The following HTT variants were observed in gnomAD, a reference collection of about 807,000 sequenced individuals.
HTT encodes the protein huntingtin.
A neutral mutation model predicts 362.3 loss-of-function variants in HTT; 104 were observed. That is an observed-to-expected ratio of 0.29 (90% CI 0.24 to 0.34). The LOEUF (loss-of-function observed/expected upper bound fraction) is 0.34, where lower values mean the gene tolerates loss of function less well. Ranked by LOEUF, HTT falls within the 10% of genes least tolerant of loss-of-function variation. HTT has a pLI of 1.00. For missense variants in HTT, 3,301 were observed against 3,928.6 expected (o/e 0.84, Z 4.27); for synonymous variants, 1,577 against 1,548.7 (o/e 1.02, Z -0.43).
chr4:3,155,376 C>A (rs955423174), intron 27 of HTT, among the ~76,000 whole-genome samples: 8 of 150,722 alleles, frequency 5.3e-5, no homozygotes, highest in Admixed American at 3.3e-4. Flanking sequence ...TGTGCACCAC[C>A]ACACCTGGCT....
In HTT at chr4:3,127,733, G is replaced by A. The variant is rs551278406; in HGVS notation, c.1743+129G>A. The A allele has an allele frequency of 1.2e-5, 8 of 672,886 alleles. No individual in the cohort carries two copies. The Admixed American group carries it at 1.5e-4, about 12-fold the overall frequency. The allele number at this position is 672,886 out of a possible 1,614,324, so 41.7% of individuals were successfully genotyped here. A position where few individuals can be genotyped will look rare whatever the true frequency, so the allele number is the denominator to read the frequency against. Reference sequence around the variant, plus strand: ...AATCCCAGCACTTTGGGAGACTGAGGCAGGCGGATCACTTGAGGTCAGGAG... The same window carrying A: ...AATCCCAGCACTTTGGGAGACTGAGACAGGCGGATCACTTGAGGTCAGGAG... On this transcript the variant is annotated intron_variant, in intron 12 of 66. Transcript: ENST00000355072.
At chr4:3,137,550 T>C (rs1438133370) in intron 21 of HTT, among the ~76,000 whole-genome samples, 1 of 152,102 alleles carries the variant, frequency 6.6e-6, no homozygotes, top group African/African-American at 2.4e-5. Flanking sequence ...AATACAAAAA[T>C]TAGTCGGATG....
intron 16 of HTT, 62 bp downstream of exon 16, chr4:3,131,837 G>A: frequency 1.3e-6 from 2 of 1,505,524 alleles, no homozygotes; most frequent in Non-Finnish European, 1.8e-6. Flanking sequence ...AACTATTTCA[G>A]TATTGACTAT....
chr4:3,127,443 G>A lies in HTT; in HGVS notation c.1582G>A (p.Asp528Asn). The A allele has an allele frequency of 6.2e-7, 1 of 1,614,148 alleles. No homozygotes were observed. The highest frequency in any genetic ancestry group is 1.3e-5 in the African/African-American group (1 of 75,046). The change falls in exon 12 of 67, where the codon GAT becomes AAT. Residue 528 changes from aspartate to asparagine, a missense_variant. Transcript: ENST00000355072. ...TSSATDGDEE[D>N]ILSHSSSQVS... ...CTCTGCCACTGATGGGGATGAGGAG[G>A]ATATCTTGAGCCACAGCTCCAGCCA...
intron 60 of HTT, among the ~76,000 whole-genome samples, chr4:3,232,382 T>G (rs1721297610): frequency 5.9e-5 from 9 of 152,196 alleles, no homozygotes; most frequent in Admixed American, 5.9e-4. Flanking sequence ...GTCCCCATAG[T>G]CTTGGGCTGA....
At chr4:3,167,593 A>G (rs929908387) in intron 29 of HTT, among the ~76,000 whole-genome samples, 1 of 152,142 alleles carries the variant, frequency 6.6e-6, no homozygotes, top group Non-Finnish European at 1.5e-5. Context: ...CCTTATTATT[A>G]TGACTGTCAT....
chr4:3,121,069 G>T (rs780896783), intron 8 of HTT, among the ~76,000 whole-genome samples, 159 bp from the exon 9 acceptor site: 25 of 152,212 alleles, frequency 1.6e-4, no homozygotes, highest in Non-Finnish European at 5.9e-5. Flanking sequence ...CAACATGGAA[G>T]CTAATGATCA....
rs1308332816 is a variant in HTT at position 3,113,218 on chromosome 4, C to T, written c.748-2086C>T. Reference sequence around the variant, plus strand: ...AGACCTGAGGAGGCCCCTTGGAGCTCTCTGACTAAATTTTATTCTTTATTA... The same window carrying T: ...AGACCTGAGGAGGCCCCTTGGAGCTTTCTGACTAAATTTTATTCTTTATTA... On this transcript the variant is annotated intron_variant, in intron 6 of 66. Transcript: ENST00000355072. Among the ~76,000 whole-genome samples the T allele has an allele frequency of 3.3e-5, 5 of 152,156 alleles. No individual in the cohort carries two copies. The South Asian group carries it at 1.0e-3, about 32-fold the overall frequency.
Position 3,074,705 on chromosome 4 carries a change from A to G in HTT, c.-121A>G. ...GGCTGCCGGGACGGGTCCAAGATGGACGGCCGCTCAGGTTCTGCTTTTACC... is the reference window on the plus strand; with the variant it reads ...GGCTGCCGGGACGGGTCCAAGATGGGCGGCCGCTCAGGTTCTGCTTTTACC... On this transcript the variant is annotated 5_prime_UTR_variant, in exon 1 of 67. Coordinates refer to ENST00000355072, the MANE Select transcript of HTT (RefSeq NM_001388492.1). The G allele has an allele frequency of 2.8e-6, 3 of 1,072,730 alleles. No individual in the cohort carries two copies. The highest frequency in any genetic ancestry group is 3.8e-6 in the Non-Finnish European group (3 of 792,268). 66.5% of individuals were successfully genotyped at this position (1,072,730 alleles called of 1,614,324 possible).
intron 6 of HTT, among the ~76,000 whole-genome samples, chr4:3,108,516 A>G (rs373489215): frequency 6.6e-6 from 1 of 152,228 alleles, no homozygotes; most frequent in Non-Finnish European, 1.5e-5. Context: ...CCATCTGTAC[A>G]CTGGGGTCTG....
rs185785062 is a variant in HTT at position 3,176,939 on chromosome 4, C to G, written c.4408-393C>G. Among the ~76,000 whole-genome samples the G allele has an allele frequency of 2.0e-5, 3 of 152,244 alleles. No homozygotes were observed. In the East Asian group the frequency reaches 5.8e-4, roughly 29 times the overall value. ...TGGCTCCCATGCAGCCCTTACGTGT[C>G]GCCTCTCAGATGGTTGGGGGACGAA... On this transcript the variant is annotated intron_variant, in intron 33 of 66. Transcript: ENST00000355072.
At chr4:3,222,588 T>C (rs1400979808) in intron 54 of HTT, 101 bp downstream of exon 54, 3 of 817,000 alleles carry the variant, frequency 3.7e-6, no homozygotes, top group Admixed American at 2.5e-5. Flanking sequence ...GTTCTTTTTT[T>C]CTCTTACCTT....
chr4:3,143,845 C>T (rs1194815427), intron 23 of HTT, among the ~76,000 whole-genome samples: 4 of 152,032 alleles, frequency 2.6e-5, no homozygotes, highest in South Asian at 2.1e-4. Context: ...TCAGGTGATC[C>T]GCCCTCCTCG....
intron 65 of HTT, 26 bp downstream of exon 65, chr4:3,238,635 G>A (rs755248577): frequency 2.3e-5 from 37 of 1,576,986 alleles, no homozygotes; most frequent in Non-Finnish European, 3.1e-5. Context: ...GGATGGGGAT[G>A]GAGTGGGAAA....
At chr4:3,180,732 C>A (rs1376952071) in intron 36 of HTT, 81 bp downstream of exon 36, 3 of 1,227,560 alleles carry the variant, frequency 2.4e-6, no homozygotes, top group East Asian at 3.5e-5. Flanking sequence ...TGGTAACGCT[C>A]ACTGTTAACT....
At chr4:3,170,461 T>C (rs1717918862) in intron 29 of HTT, among the ~76,000 whole-genome samples, 1 of 152,188 alleles carries the variant, frequency 6.6e-6, no homozygotes, top group South Asian at 2.1e-4. Context: ...TGAGCTCTGC[T>C]CCTTCTAATC....
chr4:3,097,961 AT>A lies in HTT; in HGVS notation c.348-1312del, dbSNP rs1713947561. Among the ~76,000 whole-genome samples the A allele has an allele frequency of 3.3e-5, 5 of 152,356 alleles. No individual in the cohort carries two copies. In the South Asian group the frequency reaches 8.3e-4, roughly 25 times the overall value. On this transcript the variant is annotated intron_variant, in intron 2 of 66. Coordinates refer to ENST00000355072, the MANE Select transcript of HTT (RefSeq NM_001388492.1). Reference sequence around the variant, plus strand: ...TCTGAATTGAGATATACTGTAAAAAATGTTATATATCTTAATTATTTCTTCA... The same window carrying A: ...TCTGAATTGAGATATACTGTAAAAAAGTTATATATCTTAATTATTTCTTCA...
chr4:3,214,183 G>A (rs1720288369), intron 50 of HTT, 48 bp downstream of exon 50: 2 of 1,336,944 alleles, frequency 1.5e-6, no homozygotes. Flanking sequence ...GTTCCTGTCT[G>A]CTTCACCATG....
intron 50 of HTT, among the ~76,000 whole-genome samples, chr4:3,214,765 T>G (rs540097687): frequency 3.1e-4 from 47 of 152,350 alleles, no homozygotes; most frequent in African/African-American, 1.1e-3. Context: ...ATCCAGGGAT[T>G]ACTACTTAAA....
Sources: gnomAD v4.1 joint callset for allele counts (sites outside exome capture counted in the v4.1 genomes callset) on GRCh38, gnomAD v4.1.1 for gene constraint, MANE v1.5 for transcripts, NCBI Gene and HGNC (gene_info 2026-07-23, HGNC 2026-07-21) for gene names.